The following ST8SIA4 variants were observed in gnomAD, a reference collection of about 807,000 sequenced individuals.
The protein encoded by ST8SIA4 is ST8 alpha-N-acetyl-neuraminide alpha-2,8-sialyltransferase 4, also known as CMP-N-acetylneuraminate-poly-alpha-2,8-sialyltransferase.
A neutral mutation model predicts 33.9 loss-of-function variants in ST8SIA4; 15 were observed. The observed-to-expected ratio is 0.44, with a 90% confidence interval of 0.30 to 0.68. ST8SIA4 has a LOEUF of 0.68. ST8SIA4 is among the 30% of genes least tolerant of loss of function. The pLI, the probability that ST8SIA4 is intolerant of heterozygous loss-of-function variation, is 0.10. For synonymous variants in ST8SIA4, 171 were observed against 151.2 expected (o/e 1.13, Z -0.96); for missense variants, 321 against 428.0 (o/e 0.75, Z 2.21).
chr5:100,885,523 C>G (rs930133450), intron 3 of ST8SIA4: 1 of 934,396 alleles, frequency 1.1e-6, no homozygotes, highest in African/African-American at 1.8e-5. Flanking sequence ...CATGTCAACT[C>G]AGCATACTTT....
At chr5:100,887,537 T>A (rs1383815791) in intron 2 of ST8SIA4, among the ~76,000 whole-genome samples, 3 of 152,024 alleles carry the variant, frequency 2.0e-5, no homozygotes, top group African/African-American at 7.2e-5. Context: ...ATACCTAATA[T>A]ATAAATTGAT....
intron 3 of ST8SIA4, among the ~76,000 whole-genome samples, chr5:100,881,570 A>G (rs1752423199): frequency 6.6e-6 from 1 of 152,238 alleles, no homozygotes; most frequent in South Asian, 2.1e-4. Flanking sequence ...GAAATCTAAA[A>G]GAAAGTAAAG....
intron 3 of ST8SIA4, chr5:100,885,533 TTCTA>T (rs1490276422): frequency 1.4e-5 from 13 of 933,378 alleles, no homozygotes; most frequent in East Asian, 1.2e-4. Flanking sequence ...CAGCATACTT[TTCTA>T]TCTATCTTTA....
intron 3 of ST8SIA4, among the ~76,000 whole-genome samples, chr5:100,866,740 A>G (rs938808135): frequency 6.6e-6 from 1 of 152,098 alleles, no homozygotes. Context: ...GCACAAACAC[A>G]GAGGATGGGT....
At position 100,903,105 on chromosome 5, in the gene ST8SIA4, C is replaced by T; in HGVS notation, c.-150G>A. ...GATCCCGGGATCAGATCACTGGGGTCTTCTGTGGCCGAGCTCCCTCTGGTC... is the reference window on the plus strand; with the variant it reads ...GATCCCGGGATCAGATCACTGGGGTTTTCTGTGGCCGAGCTCCCTCTGGTC... On this transcript the variant is annotated 5_prime_UTR_variant, in exon 1 of 5. Coordinates refer to ENST00000231461, the MANE Select transcript of ST8SIA4 (RefSeq NM_005668.6). 6.5e-6 allele frequency: 4 copies of T among 615,126 alleles called. No individual in the cohort carries two copies. The highest frequency in any genetic ancestry group is 1.1e-5 in the Non-Finnish European group (4 of 348,880). 38.1% of individuals were successfully genotyped at this position (615,126 alleles called of 1,614,324 possible).
chr5:100,836,857 G>A lies in ST8SIA4; in HGVS notation c.797+19246C>T, dbSNP rs545290219. Reference sequence around the variant, plus strand: ...CATCAGAGAAAATTGCTACTGTTCCGTACTGACGTTAAAATGTAATACTTT... The same window carrying A: ...CATCAGAGAAAATTGCTACTGTTCCATACTGACGTTAAAATGTAATACTTT... On this transcript the variant is annotated intron_variant, in intron 4 of 4. Coordinates refer to ENST00000231461, the MANE Select transcript of ST8SIA4 (RefSeq NM_005668.6). Among the ~76,000 whole-genome samples, 22 of 152,000 alleles carry A rather than the reference G, an allele frequency of 1.4e-4. 1 individual carries two copies. The South Asian group carries it at 1.5e-3, about 10-fold the overall frequency.
chr5:100,826,489 A>T (rs1751146927), intron 4 of ST8SIA4, among the ~76,000 whole-genome samples: 1 of 152,204 alleles, frequency 6.6e-6, no homozygotes, highest in African/African-American at 2.4e-5. Flanking sequence ...CCAAAAAAAA[A>T]TACGAAAACA....
intron 4 of ST8SIA4, among the ~76,000 whole-genome samples, chr5:100,847,934 T>A (rs114455330): frequency 6.6e-6 from 1 of 152,188 alleles, no homozygotes; most frequent in Non-Finnish European, 1.5e-5. Flanking sequence ...ATCCTCTTGT[T>A]CACTGTAATT....
chr5:100,814,029 T>C (rs1284491326), intron 4 of ST8SIA4, among the ~76,000 whole-genome samples: 1 of 152,020 alleles, frequency 6.6e-6, no homozygotes, highest in Non-Finnish European at 1.5e-5. Flanking sequence ...ATGCTTTCCA[T>C]TTCCTAATTC....
intron 3 of ST8SIA4, among the ~76,000 whole-genome samples, chr5:100,864,574 CAAAAAAAAAAAAA>C (rs201029430): frequency 7.2e-5 from 5 of 69,384 alleles, no homozygotes; most frequent in South Asian, 5.4e-4. Flanking sequence ...GACTCCGGCT[CAAAAAAAAAAAAA>C]AAAAAAAAAA....
chr5:100,876,970 A>G (rs7706486), intron 3 of ST8SIA4, among the ~76,000 whole-genome samples: 3,696 of 152,146 alleles, frequency 0.024, 161 homozygotes, highest in African/African-American at 0.085. Flanking sequence ...AATGAATGAT[A>G]CAAACAGCCA....
At chr5:100,848,818 T>G (rs1370085081) in intron 4 of ST8SIA4, among the ~76,000 whole-genome samples, 1 of 150,810 alleles carries the variant, frequency 6.6e-6, no homozygotes, top group East Asian at 1.9e-4. Flanking sequence ...GCAACAAACA[T>G]GTCTGTCTAT....
chr5:100,883,441 G>C (rs187924848), intron 3 of ST8SIA4, among the ~76,000 whole-genome samples: 8 of 152,266 alleles, frequency 5.3e-5, no homozygotes, highest in Admixed American at 5.2e-4. Flanking sequence ...GACTTGCCTT[G>C]TCTCAGACGG....
chr5:100,888,331 C>A (rs797003005), intron 2 of ST8SIA4, among the ~76,000 whole-genome samples: 72 of 151,890 alleles, frequency 4.7e-4, no homozygotes, highest in African/African-American at 1.6e-3. Context: ...CAAGTTATTA[C>A]CTGATATTCA....
rs1178839859 is a variant in ST8SIA4 at position 100,810,699 on chromosome 5, A to G, written c.*1148T>C. On this transcript the variant is annotated 3_prime_UTR_variant, in exon 5 of 5. Coordinates refer to ENST00000231461, the MANE Select transcript of ST8SIA4 (RefSeq NM_005668.6). ...ATGAAAGAAAAATGGTTTGCTGTGT[A>G]GAAACACAAGTGTAATCTTTGGTAC... The G allele has an allele frequency of 6.6e-6, 1 of 152,638 alleles. No homozygotes were observed. The highest frequency in any genetic ancestry group is 2.4e-5 in the African/African-American group (1 of 41,448). 9.5% of individuals were successfully genotyped at this position (152,638 alleles called of 1,614,324 possible).
chr5:100,860,332 T>G (rs1751909352), intron 3 of ST8SIA4, among the ~76,000 whole-genome samples: 2 of 152,198 alleles, frequency 1.3e-5, no homozygotes, highest in South Asian at 4.1e-4. Context: ...GAAACACCTT[T>G]GTCAATCCAC....
At chr5:100,889,905 T>C (rs1303486316) in intron 2 of ST8SIA4, among the ~76,000 whole-genome samples, 2 of 151,872 alleles carry the variant, frequency 1.3e-5, no homozygotes, top group East Asian at 3.8e-4. Flanking sequence ...CCAACTCACA[T>C]AGACTAATCA....
At chr5:100,822,897 C>T (rs1013184923) in intron 4 of ST8SIA4, among the ~76,000 whole-genome samples, 1 of 152,026 alleles carries the variant, frequency 6.6e-6, no homozygotes, top group Admixed American at 6.6e-5. Context: ...TTTGGGAGAC[C>T]GAGGCGGGCG....
At chr5:100,822,895 A>G (rs11741369) in intron 4 of ST8SIA4, among the ~76,000 whole-genome samples, 43,707 of 151,952 alleles carry the variant, frequency 0.29, 6,576 homozygotes, top group Non-Finnish European at 0.33. Context: ...ACTTTGGGAG[A>G]CCGAGGCGGG....
Sources: gnomAD v4.1 joint callset for allele counts (sites outside exome capture counted in the v4.1 genomes callset) on GRCh38, gnomAD v4.1.1 for gene constraint, MANE v1.5 for transcripts, NCBI Gene and HGNC (gene_info 2026-07-23, HGNC 2026-07-21) for gene names.